Variants in MAML1 observed in about 807,000 individuals in gnomAD.
MAML1 encodes the protein mastermind like transcriptional coactivator 1.
MAML1 carries 14 observed loss-of-function variants against 77.1 expected under a neutral mutation model. The observed-to-expected ratio is 0.18, with a 90% CI of 0.12 to 0.28. MAML1 has a LOEUF of 0.28. MAML1 is among the 10% of genes least tolerant of loss of function. MAML1 has a pLI of 1.00. For synonymous variants in MAML1, 516 were observed against 551.9 expected, an observed-to-expected ratio of 0.93 and a Z score of 0.91; for missense variants, 1,217 against 1,327.8, an observed-to-expected ratio of 0.92 and a Z score of 1.30.
At chr5:179,759,911 A>G (rs527528967) in intron 1 of MAML1, among the ~76,000 whole-genome samples, 1 of 152,304 alleles carries the variant, frequency 6.6e-6, no homozygotes, top group African/African-American at 2.4e-5. Flanking sequence ...AGAAATATTA[A>G]GGAGGTAGAC....
rs1755918043 is a variant in MAML1, at chr5:179,769,250, G to A, written c.1971+161G>A. On this transcript the variant is annotated intron_variant, in intron 3 of 4. Transcript: ENST00000292599. This position sits in a 1 kb window ranked among gnomAD's most constrained non-coding sequence, Gnocchi z 4.2. ...TTAAAAACATCTTTCCAGGAATGTG[G>A]CATTTCTCAGACAGGGGTAGTCTTG... Among the ~76,000 whole-genome samples the A allele has an allele frequency of 1.3e-5, 2 of 152,156 alleles. No individual in the cohort carries two copies. Among genetic ancestry groups the A allele is most frequent in the Admixed American group, 6.5e-5 (1 of 15,276 alleles).
chr5:179,763,090 T>C (rs1041027767), intron 1 of MAML1, among the ~76,000 whole-genome samples: 1 of 152,208 alleles, frequency 6.6e-6, no homozygotes, highest in African/African-American at 2.4e-5. Context: ...CATCTTTCTT[T>C]TTCCCCTAGG....
rs1356204171 is a variant in MAML1 at position 179,774,900 on chromosome 5, A to C, written c.*23A>C. ...TAATGGAAGGATTTGTAGTGTTTTT[A>C]GTGTTCATTCATCCTATATTTTTAT... On this transcript the variant is annotated 3_prime_UTR_variant, in exon 5 of 5. Coordinates refer to ENST00000292599, the MANE Select transcript of MAML1 (RefSeq NM_014757.5). 8.3e-6 allele frequency: 13 copies of C among 1,563,960 alleles called. No individual in the cohort carries two copies. Among genetic ancestry groups the C allele is most frequent in the Non-Finnish European group, 1.1e-5 (13 of 1,153,866 alleles).
chr5:179,773,816 T>A, intron 4 of MAML1, 79 bp from the exon 5 acceptor site: 1 of 1,531,236 alleles, frequency 6.5e-7, no homozygotes, highest in South Asian at 1.3e-5. Flanking sequence ...AACGTGAGAC[T>A]TCTGGTGCTG....
In MAML1 at chr5:179,775,897, G is replaced by A. The variant is rs1428341481; in HGVS notation, c.*1020G>A. 1.0e-6 allele frequency: 1 copy of A among 985,482 alleles called. No homozygotes were observed. Among genetic ancestry groups the A allele is most frequent in the Non-Finnish European group, 1.2e-6 (1 of 829,934 alleles). The allele number at this position is 985,482 out of a possible 1,614,324, so 61.0% of individuals were successfully genotyped here. On this transcript the variant is annotated 3_prime_UTR_variant, in exon 5 of 5. Coordinates refer to ENST00000292599, the MANE Select transcript of MAML1 (RefSeq NM_014757.5). The stretch of plus-strand genomic sequence containing the variant: ...AAGGAAGAGTCTTAGAATTCCTAAG[G>A]GAACCTTAGCATAAAGGTTTTGGGG...
chr5:179,753,613 GGGA>G (rs1779548314), intron 1 of MAML1, among the ~76,000 whole-genome samples: 1 of 151,666 alleles, frequency 6.6e-6, no homozygotes, highest in Middle Eastern at 3.4e-3. Context: ...TGAATCGGGG[GGGA>G]GAAGTGTTTC....
At chr5:179,770,329 T>G (rs926731805) in intron 3 of MAML1, among the ~76,000 whole-genome samples, 4 of 152,072 alleles carry the variant, frequency 2.6e-5, no homozygotes, top group Non-Finnish European at 4.4e-5. Context: ...GCGCCTGTAG[T>G]CCCAGCTACT....
intron 3 of MAML1, among the ~76,000 whole-genome samples, chr5:179,770,720 C>T (rs1356402555): frequency 1.3e-5 from 2 of 152,178 alleles, no homozygotes; most frequent in South Asian, 4.1e-4. Context: ...TGCTGGATCA[C>T]ATGGTAATTT....
chr5:179,764,251 A>G (rs1239589507), intron 1 of MAML1, among the ~76,000 whole-genome samples: 1 of 152,170 alleles, frequency 6.6e-6, no homozygotes, highest in Non-Finnish European at 1.5e-5. Flanking sequence ...TGTCTCTGGC[A>G]CAAGGCAGAA....
intron 1 of MAML1, among the ~76,000 whole-genome samples, chr5:179,751,063 T>C (rs1320116197): frequency 6.6e-6 from 1 of 152,158 alleles, no homozygotes; most frequent in African/African-American, 2.4e-5. Flanking sequence ...AACCTCTGCC[T>C]CCTGGGTTCA....
At chr5:179,754,587 C>T (rs530622398) in intron 1 of MAML1, among the ~76,000 whole-genome samples, 46 of 151,798 alleles carry the variant, frequency 3.0e-4, no homozygotes, top group Non-Finnish European at 4.7e-4. Flanking sequence ...AAGACCCTGT[C>T]TCAAAAAGAA....
chr5:179,760,349 A>G (rs987501326), intron 1 of MAML1, among the ~76,000 whole-genome samples: 1 of 152,034 alleles, frequency 6.6e-6, no homozygotes, highest in African/African-American at 2.4e-5. Flanking sequence ...TGGAGGAGAT[A>G]AGCCACCTGA....
At chr5:179,745,632 G>A (rs189724153) in intron 1 of MAML1, among the ~76,000 whole-genome samples, 2,062 of 150,242 alleles carry the variant, frequency 0.014, 37 homozygotes, top group African/African-American at 0.045. Flanking sequence ...AGGCCGAGGC[G>A]GGCAGATCAC....
chr5:179,741,327 C>T (rs1415245830), intron 1 of MAML1, among the ~76,000 whole-genome samples: 1 of 152,156 alleles, frequency 6.6e-6, no homozygotes, highest in African/African-American at 2.4e-5. Flanking sequence ...GAGTTCAGGG[C>T]TAAAGCCTGT....
rs79676699 is a variant in MAML1, at chr5:179,769,373, G to T, written c.1971+284G>T. Among the ~76,000 whole-genome samples, 1,927 of 152,244 alleles carry T rather than the reference G, an allele frequency of 0.013. 34 individuals carry two copies. The highest frequency in any genetic ancestry group is 0.044 in the African/African-American group (1,840 of 41,536). On this transcript the variant is annotated intron_variant, in intron 3 of 4. Coordinates refer to ENST00000292599, the MANE Select transcript of MAML1 (RefSeq NM_014757.5). The surrounding 1 kb of genome is among the most constrained non-coding windows in gnomAD (Gnocchi z 4.2). ...GGACATTTTCCTATGTTTCAGGTCA[G>T]CAGCTTCCAAGCCACTGAGCTCACG...
rs758342415 is a variant in MAML1, at chr5:179,765,569, A to T, written c.559A>T (p.Asn187Tyr). The change falls in exon 2 of 5, where the codon AAC becomes TAC. Residue 187 changes from asparagine (N) to tyrosine (Y), a missense_variant. Coordinates refer to ENST00000292599, the MANE Select transcript of MAML1 (RefSeq NM_014757.5). ...GCACTCTCTGGGGCTAGACTCTCTCAACAAAAAGCGTCTGGCTGACTCCAG... is the reference window on the plus strand; with the variant it reads ...GCACTCTCTGGGGCTAGACTCTCTCTACAAAAAGCGTCTGGCTGACTCCAG... ...GKHSLGLDSL[N>Y]KKRLADSSLH... The T allele has an allele frequency of 5.4e-5, 87 of 1,613,984 alleles. No individual in the cohort carries two copies. The highest frequency in any genetic ancestry group is 7.0e-5 in the Non-Finnish European group (83 of 1,180,006).
At chr5:179,750,554 G>A (rs1779467983) in intron 1 of MAML1, among the ~76,000 whole-genome samples, 1 of 151,942 alleles carries the variant, frequency 6.6e-6, no homozygotes, top group Non-Finnish European at 1.5e-5. Context: ...TCTGCTTCCC[G>A]GGCTCAAGCT....
At chr5:179,745,923 A>G (rs913364297) in intron 1 of MAML1, among the ~76,000 whole-genome samples, 14 of 150,206 alleles carry the variant, frequency 9.3e-5, no homozygotes, top group Non-Finnish European at 1.9e-4. Context: ...AATCCCAGCT[A>G]CTCGGGAGGC....
chr5:179,761,336 A>G (rs924294665), intron 1 of MAML1, among the ~76,000 whole-genome samples: 1 of 152,118 alleles, frequency 6.6e-6, no homozygotes, highest in East Asian at 1.9e-4. Flanking sequence ...TGAGGCTGCC[A>G]TGAGCCTTGA....
Sources: gnomAD v4.1 joint callset for allele counts (sites outside exome capture counted in the v4.1 genomes callset) on GRCh38, gnomAD v4.1.1 for gene constraint, Gnocchi (gnomAD v3.1) non-coding constraint, MANE v1.5 for transcripts, NCBI Gene and HGNC (gene_info 2026-07-23, HGNC 2026-07-21) for gene names.